Variants in RPS6KC1 observed in about 807,000 individuals in gnomAD.
RPS6KC1 encodes the protein ribosomal protein S6 kinase C1.
Under a neutral mutation model 103.8 loss-of-function variants are expected in RPS6KC1, and 54 were observed. The ratio of observed to expected loss-of-function variants is 0.52; its 90% confidence interval spans 0.42 to 0.65. The LOEUF (loss-of-function observed/expected upper bound fraction) is 0.65, where lower values mean the gene tolerates loss of function less well. Ranked by LOEUF, RPS6KC1 falls within the 30% of genes least tolerant of loss-of-function variation. The pLI, the probability that RPS6KC1 is intolerant of heterozygous loss-of-function variation, is 0.00. For synonymous variants in RPS6KC1, 439 were observed against 438.7 expected (o/e 1.00, Z -0.01); for missense variants, 1,151 against 1,253.8 (o/e 0.92, Z 1.24).
At chr1:213,551,601 G>A in the RPS6KC1 span, among the ~76,000 whole-genome samples, 1 of 152,148 alleles carries the variant, frequency 6.6e-6, no homozygotes, top group Admixed American at 6.5e-5. Context: ...AACGTATAGG[G>A]AGTTCCCGTA....
At chr1:213,426,120 C>G in the RPS6KC1 span, among the ~76,000 whole-genome samples, 1 of 152,088 alleles carries the variant, frequency 6.6e-6, no homozygotes, top group Non-Finnish European at 1.5e-5. Context: ...AACCTGAGGA[C>G]GAGGACATCA....
intron 12 of RPS6KC1, among the ~76,000 whole-genome samples, chr1:213,257,843 G>A (rs1419502369): frequency 7.7e-5 from 9 of 116,798 alleles, no homozygotes; most frequent in East Asian, 5.5e-4. Context: ...TTACTCTGTC[G>A]CCCAGGCTGG....
chr1:213,773,437 A>T, the RPS6KC1 span, among the ~76,000 whole-genome samples: 1 of 148,602 alleles, frequency 6.7e-6, no homozygotes, highest in East Asian at 1.9e-4. Flanking sequence ...TATCTATTAT[A>T]TATCTATATT....
At chr1:213,846,750 G>T in the RPS6KC1 span, among the ~76,000 whole-genome samples, 1 of 152,142 alleles carries the variant, frequency 6.6e-6, no homozygotes, top group African/African-American at 2.4e-5. Context: ...AGTAAGGGTA[G>T]GGTGTGAAGG....
chr1:213,705,338 G>A, the RPS6KC1 span, among the ~76,000 whole-genome samples: 40 of 152,314 alleles, frequency 2.6e-4, no homozygotes, highest in Middle Eastern at 3.4e-3. Context: ...ACCACAAGAC[G>A]TAGTACTTTC....
At chr1:213,367,792 T>G in the RPS6KC1 span, among the ~76,000 whole-genome samples, 2 of 149,970 alleles carry the variant, frequency 1.3e-5, no homozygotes, top group Admixed American at 1.3e-4. Context: ...TGATTGAAAC[T>G]CTAACTGGCT....
chr1:213,397,424 T>G, the RPS6KC1 span, among the ~76,000 whole-genome samples: 2 of 152,052 alleles, frequency 1.3e-5, no homozygotes, highest in South Asian at 4.2e-4. Context: ...GTTAAAATTT[T>G]TTTTGCACTG....
the RPS6KC1 span, among the ~76,000 whole-genome samples, chr1:213,488,550 TGGACTTTCAC>T: frequency 1.3e-5 from 2 of 152,126 alleles, no homozygotes; most frequent in African/African-American, 4.8e-5. Flanking sequence ...GATTAAAGAG[TGGACTTTCAC>T]AAGAAAATAA....
At chr1:213,667,689 T>A in the RPS6KC1 span, among the ~76,000 whole-genome samples, 1 of 152,344 alleles carries the variant, frequency 6.6e-6, no homozygotes, top group East Asian at 1.9e-4. Flanking sequence ...CTCTGTGGCA[T>A]GTGATGCTGT....
intron 13 of RPS6KC1, among the ~76,000 whole-genome samples, chr1:213,262,460 T>G (rs890401384): frequency 6.6e-6 from 1 of 152,250 alleles, no homozygotes; most frequent in African/African-American, 2.4e-5. Flanking sequence ...TATAATATTC[T>G]GAGCCATTAA....
At chr1:213,256,507 A>G (rs1439919073) in intron 12 of RPS6KC1, among the ~76,000 whole-genome samples, 1 of 151,780 alleles carries the variant, frequency 6.6e-6, no homozygotes, top group Non-Finnish European at 1.5e-5. Flanking sequence ...CATAAAATAC[A>G]CTAACACTAA....
the RPS6KC1 span, among the ~76,000 whole-genome samples, chr1:213,650,721 C>T: frequency 6.6e-6 from 1 of 152,074 alleles, no homozygotes; most frequent in Non-Finnish European, 1.5e-5. Flanking sequence ...CCTCTCCCCA[C>T]CCCATTCCAT....
chr1:213,539,305 A>G, the RPS6KC1 span, among the ~76,000 whole-genome samples: 2 of 152,234 alleles, frequency 1.3e-5, no homozygotes, highest in African/African-American at 2.4e-5. Flanking sequence ...GCCTGTTTTC[A>G]TTGCAGAAAA....
the RPS6KC1 span, among the ~76,000 whole-genome samples, chr1:213,532,868 A>G: frequency 3.3e-5 from 5 of 152,186 alleles, no homozygotes; most frequent in African/African-American, 1.2e-4. Flanking sequence ...TACTGTGGGG[A>G]ACACTGTTGA....
chr1:213,544,443 A>AAATAAAACCCT, the RPS6KC1 span, among the ~76,000 whole-genome samples: 1 of 152,208 alleles, frequency 6.6e-6, no homozygotes, highest in Non-Finnish European at 1.5e-5. Context: ...GGCTAAGCAA[A>AAATAAAACCCT]AATAAAACCC....
chr1:213,217,875 A>G (rs887304598), intron 8 of RPS6KC1, among the ~76,000 whole-genome samples: 5 of 152,304 alleles, frequency 3.3e-5, no homozygotes, highest in Admixed American at 2.6e-4. Flanking sequence ...ATGTATCTCA[A>G]AATAATAAGA....
At chr1:213,670,709 T>C in the RPS6KC1 span, among the ~76,000 whole-genome samples, 1 of 152,278 alleles carries the variant, frequency 6.6e-6, no homozygotes, top group South Asian at 2.1e-4. Context: ...AGCTGCAAAG[T>C]GCACCTGCTC....
the RPS6KC1 span, among the ~76,000 whole-genome samples, chr1:213,513,632 AAAGC>A: frequency 6.6e-6 from 1 of 152,328 alleles, no homozygotes; most frequent in South Asian, 2.1e-4. Context: ...AACAAATACA[AAAGC>A]AAGCAAACAA....
the RPS6KC1 span, among the ~76,000 whole-genome samples, chr1:213,312,523 G>T: frequency 1.6e-3 from 240 of 152,280 alleles, no homozygotes; most frequent in African/African-American, 5.7e-3. Context: ...GGAGAGTTCA[G>T]AGAGTGGTGC....
Sources: gnomAD v4.1 joint callset for allele counts (sites outside exome capture counted in the v4.1 genomes callset) on GRCh38, gnomAD v4.1.1 for gene constraint, MANE v1.5 for transcripts, NCBI Gene and HGNC (gene_info 2026-07-23, HGNC 2026-07-21) for gene names.